DAB1: variants seen among roughly 807,000 people sequenced by gnomAD.
DAB1 encodes DAB adaptor protein 1.
DAB1 carries 15 observed loss-of-function variants against 64.6 expected under a neutral mutation model. The ratio of observed to expected loss-of-function variants is 0.23; its 90% CI spans 0.16 to 0.36. DAB1 has a LOEUF of 0.36. DAB1 is among the 10% of genes least tolerant of loss of function. The pLI is 1.00. For missense variants in DAB1, 596 were observed against 706.7 expected (o/e 0.84, Z 1.78); for synonymous variants, 235 against 251.9 (o/e 0.93, Z 0.64).
intron 4 of DAB1, among the ~76,000 whole-genome samples, chr1:58,184,679 T>C (rs1656978367): frequency 6.6e-6 from 1 of 152,188 alleles, no homozygotes; most frequent in South Asian, 2.1e-4. Flanking sequence ...CACTAGATGT[T>C]CACAGCAGGT....
At chr1:58,289,145 T>G (rs1661758364) in intron 4 of DAB1, among the ~76,000 whole-genome samples, 1 of 152,220 alleles carries the variant, frequency 6.6e-6, no homozygotes, top group South Asian at 2.1e-4. Flanking sequence ...ATCCACTTTT[T>G]TACCCCTTTT....
chr1:57,074,654 T>G (rs1410210813), intron 4 of DAB1, among the ~76,000 whole-genome samples: 1 of 152,198 alleles, frequency 6.6e-6, no homozygotes, highest in African/African-American at 2.4e-5. Flanking sequence ...TGACTACTCT[T>G]AGAACTCTCT....
chr1:57,861,284 A>T (rs773572362), intron 1 of DAB1, among the ~76,000 whole-genome samples: 23 of 152,210 alleles, frequency 1.5e-4, no homozygotes, highest in Non-Finnish European at 3.1e-4. Flanking sequence ...GATGGCTTAC[A>T]TACAAGAGAA....
At chr1:57,514,662 G>C (rs1458299555) in intron 7 of DAB1, among the ~76,000 whole-genome samples, 1 of 152,196 alleles carries the variant, frequency 6.6e-6, no homozygotes. Context: ...TATGAAGTTA[G>C]TGCCTCTGGG....
chr1:57,648,170 C>T (rs1046997333), intron 7 of DAB1, among the ~76,000 whole-genome samples: 1 of 152,198 alleles, frequency 6.6e-6, no homozygotes, highest in Non-Finnish European at 1.5e-5. Context: ...CTCAGTCCAG[C>T]ATCAAATGAT....
At chr1:58,203,328 G>T (rs1367399748) in intron 4 of DAB1, among the ~76,000 whole-genome samples, 1 of 152,018 alleles carries the variant, frequency 6.6e-6, no homozygotes, top group Non-Finnish European at 1.5e-5. Flanking sequence ...AATTATTTAG[G>T]TCATCTCAGG....
chr1:57,614,868 C>CTTTTTTTTT (rs34907824), intron 7 of DAB1, among the ~76,000 whole-genome samples: 19 of 38,742 alleles, frequency 4.9e-4, no homozygotes, highest in African/African-American at 6.4e-4. Context: ...TTCTTTCTTT[C>CTTTTTTTTT]TTTTTTTTTT....
chr1:58,166,252 A>C (rs1256353643), intron 4 of DAB1, among the ~76,000 whole-genome samples: 3 of 152,182 alleles, frequency 2.0e-5, no homozygotes, highest in African/African-American at 7.2e-5. Flanking sequence ...TGCAACTATC[A>C]CTGCAATCTA....
At chr1:57,569,746 T>C (rs983112715) in intron 7 of DAB1, among the ~76,000 whole-genome samples, 1 of 152,024 alleles carries the variant, frequency 6.6e-6, no homozygotes, top group African/African-American at 2.4e-5. Flanking sequence ...TAAAGTATAC[T>C]AATAAAAAAA....
At chr1:57,571,672 A>G (rs1003136010) in intron 7 of DAB1, among the ~76,000 whole-genome samples, 3 of 152,230 alleles carry the variant, frequency 2.0e-5, no homozygotes, top group African/African-American at 7.2e-5. Context: ...TTCAGGTGAC[A>G]AAGGCATTGG....
intron 4 of DAB1, among the ~76,000 whole-genome samples, chr1:58,334,521 T>G (rs1436329838): frequency 6.6e-6 from 1 of 151,356 alleles, no homozygotes; most frequent in East Asian, 1.9e-4. Flanking sequence ...CTGACCATCA[T>G]GGGTTAAGGA....
At chr1:57,444,709 C>T (rs1686072750) in intron 7 of DAB1, among the ~76,000 whole-genome samples, 1 of 152,102 alleles carries the variant, frequency 6.6e-6, no homozygotes, top group Non-Finnish European at 1.5e-5. Flanking sequence ...AGTCGTATGG[C>T]CACAAACCAA....
intron 7 of DAB1, among the ~76,000 whole-genome samples, chr1:57,505,403 C>T (rs1052468902): frequency 6.6e-6 from 1 of 152,094 alleles, no homozygotes; most frequent in Non-Finnish European, 1.5e-5. Flanking sequence ...AACCAGGATA[C>T]AAATCTGTGA....
At chr1:57,405,481 G>C (rs1683557929) in intron 1 of DAB1, among the ~76,000 whole-genome samples, 1 of 152,174 alleles carries the variant, frequency 6.6e-6, no homozygotes, top group South Asian at 2.1e-4. Context: ...ATTCACCAGT[G>C]GTGGTTCATA....
chr1:58,132,021 T>C (rs929882753), intron 5 of DAB1, among the ~76,000 whole-genome samples: 1 of 152,092 alleles, frequency 6.6e-6, no homozygotes, highest in Admixed American at 6.5e-5. Context: ...CTTTACCTAA[T>C]CAAGCCTGGG....
chr1:58,275,557 G>A (rs993339846), intron 4 of DAB1, among the ~76,000 whole-genome samples: 18 of 152,074 alleles, frequency 1.2e-4, no homozygotes, highest in Admixed American at 9.8e-4. Context: ...ATAAAAATAT[G>A]TAAAGATACC....
rs199770759 is a variant in DAB1, at chr1:57,547,718, G to C, written n.625+101874C>G. Among the ~76,000 whole-genome samples the C allele has an allele frequency of 1.9e-4, 29 of 152,290 alleles. 1 individual carries two copies. In the East Asian group the frequency reaches 4.1e-3, roughly 21 times the overall value. On this transcript the variant is annotated intron_variant and non_coding_transcript_variant, in intron 7 of 20. Coordinates refer to the DAB1 transcript ENST00000485760. ...GGTTTGGATTCTGGAACAGAAAAAG[G>C]ACATGAGTGGAAAACTGGTGAAATC...
intron 7 of DAB1, among the ~76,000 whole-genome samples, chr1:57,593,461 C>A (rs1645470039): frequency 1.3e-5 from 2 of 152,278 alleles, no homozygotes; most frequent in South Asian, 4.1e-4. Context: ...GTTGCTGTGA[C>A]CATGGGTGCA....
In DAB1 at chr1:57,194,192, T is replaced by C. The variant is rs535594484; in HGVS notation, c.68-48763A>G. On this transcript the variant is annotated intron_variant, in intron 2 of 14. Transcript: ENST00000371236. ...TGCTGAACCCCACACCCAGAGTAACTGACCATTACGGCTGTTTTCTATTGT... is the reference window on the plus strand; with the variant it reads ...TGCTGAACCCCACACCCAGAGTAACCGACCATTACGGCTGTTTTCTATTGT... 1.4e-4 allele frequency among the ~76,000 whole-genome samples: 21 copies of C among 152,302 alleles called. No individual in the cohort carries two copies. The East Asian group carries it at 4.0e-3, about 29-fold the overall frequency.
Sources: allele counts gnomAD v4.1 joint callset (sites outside exome capture counted in the v4.1 genomes callset), GRCh38; gene constraint gnomAD v4.1.1; transcripts MANE v1.5; gene names NCBI Gene and HGNC (gene_info 2026-07-23, HGNC 2026-07-21).